SPATA17: variants seen among roughly 807,000 people sequenced by gnomAD.
SPATA17 encodes the protein spermatogenesis-associated protein 17.
A neutral mutation model predicts 62.2 loss-of-function variants in SPATA17; 53 were observed. The observed-to-expected ratio is 0.85, with a 90% CI of 0.68 to 1.07. The LOEUF is 1.07. Among genes scored for constraint, SPATA17 ranks in the 50% least tolerant of loss-of-function variants. SPATA17 has a pLI of 0.00. For missense variants in SPATA17, 466 were observed against 425.5 expected (o/e 1.10, Z -0.84); for synonymous variants, 146 against 146.8 (o/e 0.99, Z 0.04).
At chr1:217,678,205 C>CTATTTTT (rs1670997146) in intron 4 of SPATA17, among the ~76,000 whole-genome samples, 31 of 107,500 alleles carry the variant, frequency 2.9e-4, no homozygotes, top group Non-Finnish European at 1.4e-4. Context: ...CTTTTCTTTT[C>CTATTTTT]TTTTTTTTTT....
At chr1:217,850,865 A>AG (rs763724356) in intron 9 of SPATA17, among the ~76,000 whole-genome samples, 12 of 152,112 alleles carry the variant, frequency 7.9e-5, no homozygotes, top group Middle Eastern at 6.3e-3. Context: ...TGAAATTTGC[A>AG]GGGGGAATTA....
chr1:217,666,420 T>C (rs749391889), intron 3 of SPATA17, among the ~76,000 whole-genome samples: 5 of 152,136 alleles, frequency 3.3e-5, no homozygotes, highest in Non-Finnish European at 7.4e-5. Context: ...TAACAAATAA[T>C]CATCATTTTC....
chr1:217,819,016 C>T (rs1229168092), intron 9 of SPATA17, among the ~76,000 whole-genome samples: 2 of 149,524 alleles, frequency 1.3e-5, no homozygotes, highest in African/African-American at 2.5e-5. Context: ...AAATAAGTTT[C>T]CTGCATGTCT....
intron 8 of SPATA17, among the ~76,000 whole-genome samples, chr1:217,787,383 G>T (rs1347728480): frequency 1.3e-5 from 2 of 152,020 alleles, no homozygotes; most frequent in Non-Finnish European, 2.9e-5. Context: ...GTTTCCTCAG[G>T]ATCTGATCCA....
At chr1:217,793,426 T>C (rs1674054200) in intron 8 of SPATA17, among the ~76,000 whole-genome samples, 1 of 152,032 alleles carries the variant, frequency 6.6e-6, no homozygotes, top group African/African-American at 2.4e-5. Flanking sequence ...TTCACCGTGT[T>C]AGCCAGGATG....
intron 8 of SPATA17, among the ~76,000 whole-genome samples, chr1:217,787,973 A>G (rs1051661027): frequency 6.6e-6 from 1 of 152,224 alleles, no homozygotes; most frequent in African/African-American, 2.4e-5. Flanking sequence ...CAAACATGAA[A>G]TGGGACCATG....
chr1:217,857,639 T>A (rs1675812710), intron 9 of SPATA17, among the ~76,000 whole-genome samples: 1 of 152,210 alleles, frequency 6.6e-6, no homozygotes, highest in Admixed American at 6.5e-5. Flanking sequence ...TGACATGTTT[T>A]ATCATATCAG....
In SPATA17 at chr1:217,868,664, G is replaced by T. The variant is rs1553257055; in HGVS notation, c.*1645G>T. Reference sequence around the variant, plus strand: ...TAAACCAGAAAGTATCTGAGACAATGTTTTTTTTTTTTTTTTTTTTTTTTT... The same window carrying T: ...TAAACCAGAAAGTATCTGAGACAATTTTTTTTTTTTTTTTTTTTTTTTTTT... On this transcript the variant is annotated 3_prime_UTR_variant, in exon 11 of 11. Transcript: ENST00000366933. 2 of 88,226 alleles carry T rather than the reference G, an allele frequency of 2.3e-5. No individual in the cohort carries two copies. Among genetic ancestry groups the T allele is most frequent in the African/African-American group, 9.0e-5 (2 of 22,214 alleles). 5.5% of individuals were successfully genotyped at this position (88,226 alleles called of 1,614,324 possible). A position where few individuals can be genotyped will look rare whatever the true frequency, so the allele number is the denominator to read the frequency against.
At chr1:217,801,041 C>T (rs907932799) in intron 8 of SPATA17, among the ~76,000 whole-genome samples, 3 of 152,090 alleles carry the variant, frequency 2.0e-5, no homozygotes, top group Admixed American at 6.5e-5. Flanking sequence ...CAGGTTCCTT[C>T]GATTTTTACA....
intron 9 of SPATA17, among the ~76,000 whole-genome samples, chr1:217,829,872 A>G (rs1246881879): frequency 1.3e-5 from 2 of 151,942 alleles, no homozygotes; most frequent in Non-Finnish European, 2.9e-5. Context: ...TAAGGGCTAA[A>G]GTTAATAAAA....
chr1:217,659,061 G>T (rs1222516839), intron 3 of SPATA17, among the ~76,000 whole-genome samples: 1 of 152,070 alleles, frequency 6.6e-6, no homozygotes, highest in Non-Finnish European at 1.5e-5. Flanking sequence ...TGAGGGACAG[G>T]CATGGGAGAG....
At chr1:217,640,903 T>G (rs1487031521) in intron 1 of SPATA17, among the ~76,000 whole-genome samples, 1 of 152,054 alleles carries the variant, frequency 6.6e-6, no homozygotes, top group Non-Finnish European at 1.5e-5. Context: ...GAATTACACA[T>G]AATAAGTGGT....
At chr1:217,766,347 C>CT (rs541242077) in intron 6 of SPATA17, among the ~76,000 whole-genome samples, 4 of 150,654 alleles carry the variant, frequency 2.7e-5, no homozygotes, top group South Asian at 2.1e-4. Context: ...AGCTGCATTT[C>CT]TTTTTTTTTA....
intron 9 of SPATA17, among the ~76,000 whole-genome samples, chr1:217,844,563 C>T (rs1312452240): frequency 6.6e-6 from 1 of 152,066 alleles, no homozygotes; most frequent in Admixed American, 6.6e-5. Flanking sequence ...AATCATGATA[C>T]AGTCCTTGAA....
intron 9 of SPATA17, among the ~76,000 whole-genome samples, chr1:217,824,020 T>A (rs976635): frequency 0.8 from 120,750 of 151,874 alleles, 48,456 homozygotes; most frequent in Admixed American, 0.83. Flanking sequence ...TGTAAGCAGC[T>A]CATAGTTGTA....
chr1:217,635,198 C>T (rs1160264925), intron 1 of SPATA17, among the ~76,000 whole-genome samples: 1 of 152,182 alleles, frequency 6.6e-6, no homozygotes, highest in Non-Finnish European at 1.5e-5. Flanking sequence ...ATATCTGAGA[C>T]AGGCTTCAGT....
chr1:217,707,025 C>G (rs1671752914), intron 5 of SPATA17, among the ~76,000 whole-genome samples: 1 of 152,046 alleles, frequency 6.6e-6, no homozygotes, highest in Non-Finnish European at 1.5e-5. Flanking sequence ...TGCTACCATG[C>G]CCAGCTAATT....
chr1:217,806,655 CTCTT>C (rs1674442891), intron 9 of SPATA17, among the ~76,000 whole-genome samples: 1 of 152,174 alleles, frequency 6.6e-6, no homozygotes, highest in Non-Finnish European at 1.5e-5. Flanking sequence ...GTCCCATCAT[CTCTT>C]TATCTATTAG....
chr1:217,767,805 C>G (rs1019096645), intron 6 of SPATA17, among the ~76,000 whole-genome samples: 1 of 152,156 alleles, frequency 6.6e-6, no homozygotes, highest in African/African-American at 2.4e-5. Context: ...AAATCCTGGC[C>G]TGATAATTAC....
Sources: gnomAD v4.1 joint callset for allele counts (sites outside exome capture counted in the v4.1 genomes callset) on GRCh38, gnomAD v4.1.1 for gene constraint, MANE v1.5 for transcripts, NCBI Gene and HGNC (gene_info 2026-07-23, HGNC 2026-07-21) for gene names.